CFDP1: variants seen among roughly 807,000 people sequenced by gnomAD.
The protein encoded by CFDP1 is heterochromatin-stabilizing protein CFDP1.
Under a neutral mutation model 40.1 loss-of-function variants are expected in CFDP1, and 31 were observed. The observed-to-expected ratio is 0.77, with a 90% CI of 0.58 to 1.04. CFDP1 has a LOEUF of 1.04. CFDP1 is among the 50% of genes least tolerant of loss of function. The pLI is 0.00. For synonymous variants in CFDP1, 167 were observed against 120.0 expected (o/e 1.39, Z -2.56); for missense variants, 423 against 343.4 (o/e 1.23, Z -1.83).
chr16:75,342,967 T>C (rs548628019), intron 5 of CFDP1, among the ~76,000 whole-genome samples: 5 of 152,256 alleles, frequency 3.3e-5, no homozygotes, highest in South Asian at 2.1e-4. Context: ...CTAGGTGAGA[T>C]GGCACCCCCT....
At chr16:75,426,138 G>A (rs2079340721) in intron 1 of CFDP1, among the ~76,000 whole-genome samples, 1 of 150,818 alleles carries the variant, frequency 6.6e-6, no homozygotes, top group Non-Finnish European at 1.5e-5. Context: ...ATCACCTGAG[G>A]TTGGGAGTTC....
At chr16:75,349,046 G>A (rs1289363386) in intron 5 of CFDP1, among the ~76,000 whole-genome samples, 1 of 151,904 alleles carries the variant, frequency 6.6e-6, no homozygotes, top group Admixed American at 6.6e-5. Flanking sequence ...TTTTTTGTTC[G>A]TTTTCTGGTA....
chr16:75,324,329 A>C (rs1403517795), intron 5 of CFDP1, among the ~76,000 whole-genome samples: 1 of 152,278 alleles, frequency 6.6e-6, no homozygotes, highest in Non-Finnish European at 1.5e-5. Flanking sequence ...GATGTGTGTG[A>C]ATGCACTTAG....
intron 5 of CFDP1, among the ~76,000 whole-genome samples, chr16:75,344,165 C>T (rs1277169369): frequency 6.6e-6 from 1 of 152,176 alleles, no homozygotes; most frequent in East Asian, 1.9e-4. Flanking sequence ...GGCAGTAGTG[C>T]ATAAATTCTG....
intron 6 of CFDP1, among the ~76,000 whole-genome samples, chr16:75,303,197 C>A (rs1163804603): frequency 2.7e-5 from 4 of 149,916 alleles, no homozygotes; most frequent in Admixed American, 2.7e-4. Flanking sequence ...GAAACCCCGT[C>A]TCTACTAAAA....
intron 1 of CFDP1, among the ~76,000 whole-genome samples, chr16:75,424,449 TC>T (rs1262503615): frequency 6.6e-6 from 1 of 152,138 alleles, no homozygotes; most frequent in African/African-American, 2.4e-5. Context: ...TAGTTTCTTT[TC>T]CCCCTTAAGA....
At chr16:75,427,100 A>T (rs570384829) in intron 1 of CFDP1, among the ~76,000 whole-genome samples, 1 of 152,150 alleles carries the variant, frequency 6.6e-6, no homozygotes, top group South Asian at 2.1e-4. Context: ...TATCCAGAAT[A>T]TATAATTCCA....
intron 5 of CFDP1, among the ~76,000 whole-genome samples, chr16:75,366,014 A>G (rs1043688626): frequency 1.3e-5 from 2 of 152,234 alleles, no homozygotes; most frequent in Non-Finnish European, 2.9e-5. Flanking sequence ...TTTACCAGCC[A>G]GCATATTTCA....
At chr16:75,421,611 G>A (rs914927421) in intron 1 of CFDP1, among the ~76,000 whole-genome samples, 1 of 152,070 alleles carries the variant, frequency 6.6e-6, no homozygotes, top group Non-Finnish European at 1.5e-5. Context: ...GTATAAATCC[G>A]AGAAAGCCTC....
At chr16:75,423,553 C>T (rs1375767581) in intron 1 of CFDP1, among the ~76,000 whole-genome samples, 1 of 151,924 alleles carries the variant, frequency 6.6e-6, no homozygotes, top group Non-Finnish European at 1.5e-5. Context: ...CTCACTCTGT[C>T]GCCCAGGCTG....
intron 5 of CFDP1, chr16:75,381,269 G>C (rs2078849567): frequency 6.6e-6 from 1 of 152,088 alleles, no homozygotes; most frequent in Non-Finnish European, 1.5e-5. Context: ...TTGGAGACCA[G>C]CCTGGGTAAC....
chr16:75,296,231 G>C (rs565349762), intron 6 of CFDP1, among the ~76,000 whole-genome samples: 36 of 152,122 alleles, frequency 2.4e-4, no homozygotes, highest in Non-Finnish European at 4.9e-4. Flanking sequence ...TTAAGCATTT[G>C]GGGTCTTTCT....
chr16:75,432,535 C>A (rs11644741), intron 1 of CFDP1, among the ~76,000 whole-genome samples: 78,441 of 151,646 alleles, frequency 0.52, 21,312 homozygotes, highest in Admixed American at 0.64. Context: ...TAGACAACAG[C>A]AAGACCCTGT....
chr16:75,399,290 C>CT (rs1281844502), intron 4 of CFDP1, among the ~76,000 whole-genome samples: 2 of 152,142 alleles, frequency 1.3e-5, no homozygotes, highest in Admixed American at 1.3e-4. Context: ...AAATCTCAGG[C>CT]TTAATGCAGG....
rs530590931 is a variant in CFDP1 at position 75,330,100 on chromosome 16, T to G, written c.651-24918A>C. On this transcript the variant is annotated intron_variant, in intron 5 of 6. Transcript: ENST00000283882. ...GGGAACAGAGTCCCAATATTTGCAT[T>G]TCACTAGCAGCGCACTAAGGGTTGA... is the stretch of plus-strand genomic sequence containing the variant. 2.6e-5 allele frequency among the ~76,000 whole-genome samples: 4 copies of G among 152,324 alleles called. No homozygotes were observed. In the East Asian group the frequency reaches 7.7e-4, roughly 29 times the overall value.
At chr16:75,412,453 TG>T in intron 3 of CFDP1, 81 bp downstream of exon 3, 1 of 1,045,638 alleles carries the variant, frequency 9.6e-7, no homozygotes, top group Non-Finnish European at 1.5e-6. Context: ...AAAAGGCATC[TG>T]GTCGATTTCC....
chr16:75,433,258 T>C (rs1567688171), intron 1 of CFDP1, 31 bp downstream of exon 1: 4 of 1,573,970 alleles, frequency 2.5e-6, no homozygotes, highest in Admixed American at 1.8e-5. Context: ...GGCGGGGCAA[T>C]TCGCTTCTCG....
At chr16:75,326,399 C>T (rs753331085) in intron 5 of CFDP1, among the ~76,000 whole-genome samples, 2 of 152,224 alleles carry the variant, frequency 1.3e-5, no homozygotes, top group African/African-American at 4.8e-5. Context: ...GTCAACTGAA[C>T]AACTCCTCGT....
intron 5 of CFDP1, among the ~76,000 whole-genome samples, chr16:75,384,246 A>G (rs1186937573): frequency 6.6e-6 from 1 of 152,138 alleles, no homozygotes; most frequent in African/African-American, 2.4e-5. Context: ...AATCCCAGCT[A>G]CTTGGGAGGC....
Sources: allele counts gnomAD v4.1 joint callset (sites outside exome capture counted in the v4.1 genomes callset), GRCh38; gene constraint gnomAD v4.1.1; transcripts MANE v1.5; gene names NCBI Gene and HGNC (gene_info 2026-07-23, HGNC 2026-07-21).